The following KCNG4 variants were observed in gnomAD, a reference collection of about 807,000 sequenced individuals.
KCNG4 encodes potassium voltage-gated channel modifier subfamily G member 4.
A neutral mutation model predicts 28.2 loss-of-function variants in KCNG4; 30 were observed. That is an observed-to-expected ratio of 1.06 (90% confidence interval 0.80 to 1.44). KCNG4 has a LOEUF of 1.44. Ranked by LOEUF, KCNG4 falls within the 40% of genes most tolerant of loss-of-function variation. KCNG4 has a pLI of 0.00. For synonymous variants in KCNG4, 375 were observed against 315.5 expected, an observed-to-expected ratio of 1.19 and a Z score of -2.00; for missense variants, 879 against 712.3, an observed-to-expected ratio of 1.23 and a Z score of -2.66.
At chr16:84,234,353 T>C (rs1250012841) in intron 2 of KCNG4, among the ~76,000 whole-genome samples, 1 of 152,098 alleles carries the variant, frequency 6.6e-6, no homozygotes, top group Non-Finnish European at 1.5e-5. Flanking sequence ...TTTTTTGTTT[T>C]TTTTTAGTAG....
Position 84,237,443 on chromosome 16 carries a change from G to A in KCNG4, c.43C>T (p.His15Tyr). Residue 15 changes from histidine to tyrosine, a missense_variant, in exon 2 of 3, where the codon CAC (histidine) becomes TAC (tyrosine). Transcript: ENST00000308251. ...SRDGGLHPRHHHYGSHSPWSQ... is the reference protein window; with the variant it reads ...SRDGGLHPRHYHYGSHSPWSQ... Reference sequence around the variant, plus strand: ...CAAGGGCTGTGGGAACCATAGTGGTGGTGTCTGGGATGCAGGCCCCCGTCT... The same window carrying A: ...CAAGGGCTGTGGGAACCATAGTGGTAGTGTCTGGGATGCAGGCCCCCGTCT... The A allele has an allele frequency of 6.6e-7, 1 of 1,508,440 alleles. No individual in the cohort carries two copies. The highest frequency in any genetic ancestry group is 8.9e-7 in the Non-Finnish European group (1 of 1,129,452). The allele number at this position is 1,508,440 out of a possible 1,614,324, so 93.4% of individuals were successfully genotyped here.
chr16:84,231,568 A>C (rs1597619426), intron 2 of KCNG4, among the ~76,000 whole-genome samples: 1 of 152,214 alleles, frequency 6.6e-6, no homozygotes. Flanking sequence ...AGACCAGGAC[A>C]TGAGGCTGCA....
chr16:84,232,896 CAAAAAAAAAAA>C (rs60683135), intron 2 of KCNG4, among the ~76,000 whole-genome samples: 1 of 108,008 alleles, frequency 9.3e-6, no homozygotes, highest in Admixed American at 1.0e-4. Flanking sequence ...GAAACCCTAT[CAAAAAAAAAAA>C]AAAAAAAAAT....
In KCNG4 at chr16:84,236,914, C is replaced by G. The variant is rs879405372; in HGVS notation, c.572G>C (p.Arg191Pro). Residue 191 changes from arginine to proline, a missense_variant, in exon 2 of 3, where the codon CGC becomes CCC. Transcript: ENST00000308251. ...EDVLRQQRET[R>P]RPASHSSRWG... is the part of the protein sequence containing the mutation. ...GCGCGAGGAGTGCGAGGCGGGGCGGCGGGTCTCCCTCTGCTGCCTCAGTAC... is the reference window on the plus strand; with the variant it reads ...GCGCGAGGAGTGCGAGGCGGGGCGGGGGGTCTCCCTCTGCTGCCTCAGTAC... The G allele has an allele frequency of 1.3e-5, 21 of 1,613,314 alleles. No homozygotes were observed. In the Admixed American group the frequency reaches 3.5e-4, roughly 27 times the overall value.
intron 2 of KCNG4, among the ~76,000 whole-genome samples, chr16:84,224,407 C>CACACACACACACACACAT (rs1555536146): frequency 2.1e-5 from 2 of 95,928 alleles, no homozygotes; most frequent in African/African-American, 7.7e-5. Context: ...CATATTTACA[C>CACACACACACACACACAT]ACACACACAC....
rs1230538266 is a variant in KCNG4 at position 84,238,868 on chromosome 16, A to C, written c.-41+802T>G. Among the ~76,000 whole-genome samples, 5 of 150,976 alleles carry C rather than the reference A, an allele frequency of 3.3e-5. No homozygotes were observed. The East Asian group carries it at 8.0e-4, about 24-fold the overall frequency. The stretch of plus-strand genomic sequence containing the variant: ...GGACAACAGAGCGAGACTCCATCTC[A>C]AAAAGAAAAAAACAAAAAAAAATGA... On this transcript the variant is annotated intron_variant, in intron 1 of 2. Coordinates refer to ENST00000308251, the MANE Select transcript of KCNG4 (RefSeq NM_172347.3).
Position 84,222,931 on chromosome 16 carries a change from G to A in KCNG4, c.846C>T (p.Val282=), listed in dbSNP as rs1390745884. ...AGAACTGACACTTGTCTTGGGCCTG[G>A]ACAAACCGCAGGCAGAACTCCAGGG... ...WFSLEFCLRF[V]QAQDKCQFFQ... The change falls in exon 3 of 3, where the codon GTC becomes GTT. Residue 282 remains valine (V), a synonymous_variant. Transcript: ENST00000308251. The A allele has an allele frequency of 6.2e-7, 1 of 1,600,772 alleles. No homozygotes were observed. Among genetic ancestry groups the A allele is most frequent in the Non-Finnish European group, 8.5e-7 (1 of 1,172,480 alleles).
In KCNG4 at chr16:84,222,722, C is replaced by T. The variant is rs376616800; in HGVS notation, c.1055G>A (p.Arg352His). The T allele has an allele frequency of 6.2e-6, 10 of 1,612,694 alleles. No homozygotes were observed. The highest frequency in any genetic ancestry group is 5.0e-5 in the Admixed American group (3 of 59,878). The change falls in exon 3 of 3, where the codon CGC becomes CAC. Residue 352 changes from arginine to histidine, a missense_variant. Arg to His is a conservative substitution (Grantham distance 29). Transcript: ENST00000308251. ...CAGCGTCTGCAGCCCCAGCGAGTGG[C>T]GAGCCAGGCGCATCACGTAGAGGAT... ...LRILYVMRLA[R>H]HSLGLQTLGL... is the part of the protein sequence containing the mutation.
intron 2 of KCNG4, among the ~76,000 whole-genome samples, chr16:84,232,721 G>C (rs1904855138): frequency 6.6e-6 from 1 of 151,900 alleles, no homozygotes; most frequent in African/African-American, 2.4e-5. Context: ...CCCACATGGT[G>C]AAACCCATCT....
intron 2 of KCNG4, among the ~76,000 whole-genome samples, chr16:84,225,080 T>C (rs1462406997): frequency 6.6e-6 from 1 of 152,162 alleles, no homozygotes; most frequent in Non-Finnish European, 1.5e-5. Flanking sequence ...AGGCACAGGA[T>C]GCGCTGTAGC....
At chr16:84,223,713 G>A (rs1254806293) in intron 2 of KCNG4, among the ~76,000 whole-genome samples, 1 of 152,084 alleles carries the variant, frequency 6.6e-6, no homozygotes, top group Non-Finnish European at 1.5e-5. Flanking sequence ...GCGGTACCAG[G>A]GTCTCTTAGA....
intron 2 of KCNG4, among the ~76,000 whole-genome samples, chr16:84,225,553 G>C (rs900276144): frequency 1.3e-5 from 2 of 152,234 alleles, no homozygotes; most frequent in African/African-American, 4.8e-5. Flanking sequence ...TTCAGACTCT[G>C]AGCTAGATTC....
In KCNG4 at chr16:84,222,192, C is replaced by G. The variant is rs766817749; in HGVS notation, c.*25G>C. The G allele has an allele frequency of 6.2e-7, 1 of 1,610,112 alleles. No individual in the cohort carries two copies. The highest frequency in any genetic ancestry group is 1.7e-5 in the Admixed American group (1 of 59,768). On this transcript the variant is annotated 3_prime_UTR_variant, in exon 3 of 3. Coordinates refer to ENST00000308251, the MANE Select transcript of KCNG4 (RefSeq NM_172347.3). ...CAGGCAGGGTGATGGGTTGAGGTTACCATGTAGTCATGGGGGGTGCTGAGT... is the reference window on the plus strand; with the variant it reads ...CAGGCAGGGTGATGGGTTGAGGTTAGCATGTAGTCATGGGGGGTGCTGAGT...
At position 84,226,812 on chromosome 16, in the gene KCNG4, G is replaced by T. The variant is rs544939707; in HGVS notation, c.757-3792C>A. ...GAGAATGGCTTGGACCTGGTAGGCG[G>T]AGGTTGCAGTGAGCCGAGATTGCAC... On this transcript the variant is annotated intron_variant, in intron 2 of 2. Transcript: ENST00000308251. The surrounding 1 kb of genome is among the most constrained non-coding windows in gnomAD (Gnocchi z 4.1). Among the ~76,000 whole-genome samples, 5 of 152,000 alleles carry T rather than the reference G, an allele frequency of 3.3e-5. No homozygotes were observed. In the East Asian group the frequency reaches 9.7e-4, roughly 29 times the overall value.
At chr16:84,230,929 C>T (rs1419833347) in intron 2 of KCNG4, among the ~76,000 whole-genome samples, 2 of 152,226 alleles carry the variant, frequency 1.3e-5, no homozygotes, top group African/African-American at 4.8e-5. Context: ...AGCAGGCTCT[C>T]AGAAAAGACG....
rs954409481 is a variant in KCNG4, at chr16:84,219,403, C to G, written c.*2814G>C. 2.0e-5 allele frequency: 3 copies of G among 152,242 alleles called. No individual in the cohort carries two copies. Among genetic ancestry groups the G allele is most frequent in the African/African-American group, 7.2e-5 (3 of 41,450 alleles). The allele number at this position is 152,242 out of a possible 1,614,324, so 9.4% of individuals were successfully genotyped here. The stretch of plus-strand genomic sequence containing the variant: ...AAGAGAGTAAGTGGGAGACTTTGTC[C>G]TTTTACTATTTTGCCTAAGCGTAGT... On this transcript the variant is annotated 3_prime_UTR_variant, in exon 3 of 3. Coordinates refer to ENST00000308251, the MANE Select transcript of KCNG4 (RefSeq NM_172347.3).
intron 2 of KCNG4, among the ~76,000 whole-genome samples, chr16:84,233,412 G>C (rs1229420396): frequency 2.0e-5 from 3 of 152,222 alleles, no homozygotes; most frequent in Admixed American, 1.3e-4. Context: ...GCCCAGAATT[G>C]AAAGTTAGGG....
At position 84,237,270 on chromosome 16, in the gene KCNG4, G is replaced by A. The variant is rs141435784; in HGVS notation, c.216C>T (p.Leu72=). Residue 72 remains leucine (L), a synonymous_variant, in exon 2 of 3, where the codon CTC becomes CTT. Coordinates refer to ENST00000308251, the MANE Select transcript of KCNG4 (RefSeq NM_172347.3). ...GGAACCGGTCCAGTGTGCTCCAGGG[G>A]AGGAGATACCTCCTGCCCCCCACGT... The part of the protein sequence containing the change: ...LINVGGRRYL[L]PWSTLDRFPL... 1.1e-4 allele frequency: 174 copies of A among 1,611,762 alleles called. 1 individual carries two copies. The Middle Eastern group carries it at 1.7e-3, about 15-fold the overall frequency.
In KCNG4 at chr16:84,237,287, C is replaced by T; in HGVS notation, c.199G>A (p.Gly67Ser). The change falls in exon 2 of 3, where the codon GGC (glycine) becomes AGC (serine). Residue 67 changes from glycine (G) to serine (S), a missense_variant. Gly to Ser is a moderately conservative substitution (Grantham distance 56, BLOSUM62 0). Transcript: ENST00000308251. The part of the protein sequence containing the change: ...LKKEILINVG[G>S]RRYLLPWSTL... Reference sequence around the variant, plus strand: ...CTCCAGGGGAGGAGATACCTCCTGCCCCCCACGTTGATCAGGATCTCCTTC... The same window carrying T: ...CTCCAGGGGAGGAGATACCTCCTGCTCCCCACGTTGATCAGGATCTCCTTC... The T allele has an allele frequency of 6.2e-7, 1 of 1,605,280 alleles. No homozygotes were observed. Among genetic ancestry groups the T allele is most frequent in the African/African-American group, 1.3e-5 (1 of 74,792 alleles).
Sources: gnomAD v4.1 joint callset for allele counts (sites outside exome capture counted in the v4.1 genomes callset) on GRCh38, gnomAD v4.1.1 for gene constraint, Gnocchi (gnomAD v3.1) non-coding constraint, MANE v1.5 for transcripts, NCBI Gene and HGNC (gene_info 2026-07-23, HGNC 2026-07-21) for gene names.